Variants in OIT3 observed in about 807,000 individuals in gnomAD.
OIT3 encodes oncoprotein-induced transcript 3 protein.
A neutral mutation model predicts 52.2 loss-of-function variants in OIT3; 41 were observed. The ratio of observed to expected loss-of-function variants is 0.79; its 90% confidence interval spans 0.61 to 1.02. OIT3 has a LOEUF of 1.02. OIT3 is among the 50% of genes least tolerant of loss of function. The pLI, the probability that OIT3 is intolerant of heterozygous loss-of-function variation, is 0.00. For synonymous variants in OIT3, 244 were observed against 276.9 expected, an observed-to-expected ratio of 0.88 and a Z score of 1.18; for missense variants, 634 against 715.5, an observed-to-expected ratio of 0.89 and a Z score of 1.30.
At chr10:72,931,682 A>C (rs1043999657) in intron 8 of OIT3, among the ~76,000 whole-genome samples, 1 of 152,274 alleles carries the variant, frequency 6.6e-6, no homozygotes, top group East Asian at 1.9e-4. Context: ...AACTGTTGTC[A>C]TAACAATTTA....
chr10:72,926,655 G>A (rs1400798775), intron 7 of OIT3, among the ~76,000 whole-genome samples: 1 of 152,124 alleles, frequency 6.6e-6, no homozygotes, highest in Non-Finnish European at 1.5e-5. Flanking sequence ...AATATGGAAA[G>A]TTTGTCATCC....
chr10:72,918,318 T>G, intron 6 of OIT3: 4 of 770,572 alleles, frequency 5.2e-6, no homozygotes, highest in Non-Finnish European at 9.4e-6. Context: ...CAGTGTGACT[T>G]TAATTGGACT....
intron 5 of OIT3, 118 bp downstream of exon 5, chr10:72,911,957 T>A (rs891847903): frequency 1.2e-6 from 1 of 833,186 alleles, no homozygotes; most frequent in Non-Finnish European, 1.8e-6. Context: ...ACAATGGCTC[T>A]TCGAGCAGTG....
At chr10:72,929,047 A>G (rs1806781483) in intron 7 of OIT3, among the ~76,000 whole-genome samples, 1 of 152,024 alleles carries the variant, frequency 6.6e-6, no homozygotes, top group Non-Finnish European at 1.5e-5. Flanking sequence ...CATCTCTACA[A>G]AAAATGAAAA....
chr10:72,924,583 T>C lies in OIT3; in HGVS notation c.1306T>C (p.Cys436Arg). The C allele has an allele frequency of 1.2e-6, 2 of 1,614,092 alleles. No individual in the cohort carries two copies. The highest frequency in any genetic ancestry group is 1.7e-6 in the Non-Finnish European group (2 of 1,179,988). Residue 436 changes from cysteine (C) to arginine (R), a missense_variant, in exon 7 of 9, where the codon TGC (cysteine) becomes CGC (arginine). Physicochemically the swap from Cys to Arg is radical, Grantham distance 180 (BLOSUM62 -3). Transcript: ENST00000334011. ...CGGCTTGGAAAGCTTGGTGGAGAGC[T>C]GCTTTGCCACCCCCACCTCCAAGAT... ...VSGLESLVESCFATPTSKIDE... is the reference protein window; with the variant it reads ...VSGLESLVESRFATPTSKIDE...
chr10:72,932,415 C>A lies in OIT3; in HGVS notation c.1529C>A (p.Ala510Asp). Residue 510 changes from alanine to aspartate, a missense_variant, in exon 9 of 9, where the codon GCC becomes GAC. Ala to Asp is a moderately radical substitution (Grantham distance 126, BLOSUM62 -2). Transcript: ENST00000334011. ...CGVLDERSRC[A>D]QGCHRRMRRG... ...GTGTTGGACGAGCGTTCCCGCTGTG[C>A]CCAGGGTTGCCACCGGCGAATGCGT... 6.2e-7 allele frequency: 1 copy of A among 1,614,128 alleles called. No homozygotes were observed. The highest frequency in any genetic ancestry group is 2.2e-5 in the East Asian group (1 of 44,868).
intron 7 of OIT3, among the ~76,000 whole-genome samples, chr10:72,925,929 G>C (rs1297039895): frequency 1.3e-5 from 2 of 152,224 alleles, no homozygotes; most frequent in Admixed American, 1.3e-4. Context: ...TTATACAAAA[G>C]AGAGTTCCAT....
In OIT3 at chr10:72,932,788, C is replaced by T. The variant is rs902121451; in HGVS notation, c.*264C>T. On this transcript the variant is annotated 3_prime_UTR_variant, in exon 9 of 9. Coordinates refer to ENST00000334011, the MANE Select transcript of OIT3 (RefSeq NM_152635.3). Reference sequence around the variant, plus strand: ...CCCAGAAAGACACTCACCCCATTTCCCTCATTTCTTTCCTACACTTAAATA... The same window carrying T: ...CCCAGAAAGACACTCACCCCATTTCTCTCATTTCTTTCCTACACTTAAATA... 5.4e-6 allele frequency: 2 copies of T among 373,396 alleles called. No homozygotes were observed. The highest frequency in any genetic ancestry group is 9.6e-6 in the Non-Finnish European group (2 of 208,868). 23.1% of individuals were successfully genotyped at this position (373,396 alleles called of 1,614,324 possible). A position where few individuals can be genotyped will look rare whatever the true frequency, so the allele number is the denominator to read the frequency against.
chr10:72,915,245 T>C (rs1447293893), intron 6 of OIT3, among the ~76,000 whole-genome samples: 6 of 152,148 alleles, frequency 3.9e-5, no homozygotes, highest in African/African-American at 1.4e-4. Flanking sequence ...ATAGTTAGAA[T>C]ATAAAGCCAT....
At chr10:72,914,696 T>C (rs1452251468) in intron 6 of OIT3, among the ~76,000 whole-genome samples, 2 of 152,168 alleles carry the variant, frequency 1.3e-5, no homozygotes, top group Non-Finnish European at 2.9e-5. Context: ...CACAAGGTCA[T>C]GCTGCCGCAG....
chr10:72,906,574 C>T, intron 3 of OIT3, 22 bp from the exon 4 acceptor site: 8 of 1,613,624 alleles, frequency 5.0e-6, no homozygotes, highest in Non-Finnish European at 6.8e-6. Context: ...AGTATAGAAA[C>T]AGTGTGGTTT....
At chr10:72,927,114 T>C (rs769184932) in intron 7 of OIT3, among the ~76,000 whole-genome samples, 1 of 152,158 alleles carries the variant, frequency 6.6e-6, no homozygotes, top group Non-Finnish European at 1.5e-5. Flanking sequence ...TTCAGTCTCT[T>C]AGTGAAGGAC....
chr10:72,932,617 G>A lies in OIT3; in HGVS notation c.*93G>A, dbSNP rs1846228211. The A allele has an allele frequency of 8.4e-7, 1 of 1,189,162 alleles. No individual in the cohort carries two copies. Among genetic ancestry groups the A allele is most frequent in the Non-Finnish European group, 1.2e-6 (1 of 854,406 alleles). 73.7% of individuals were successfully genotyped at this position (1,189,162 alleles called of 1,614,324 possible). Reference sequence around the variant, plus strand: ...CTCTAAGAACATCTGCCAACAGCTGGGTTCAGACTTCACACTGTGAGTTCA... The same window carrying A: ...CTCTAAGAACATCTGCCAACAGCTGAGTTCAGACTTCACACTGTGAGTTCA... On this transcript the variant is annotated 3_prime_UTR_variant, in exon 9 of 9. Transcript: ENST00000334011.
chr10:72,930,495 G>A, intron 7 of OIT3, 43 bp from the exon 8 acceptor site: 1 of 1,429,760 alleles, frequency 7.0e-7, no homozygotes, highest in East Asian at 2.3e-5. Flanking sequence ...TTCCACCTCT[G>A]TTGAAACAAT....
At chr10:72,916,056 G>T (rs1846070019) in intron 6 of OIT3, among the ~76,000 whole-genome samples, 1 of 152,164 alleles carries the variant, frequency 6.6e-6, no homozygotes, top group Non-Finnish European at 1.5e-5. Flanking sequence ...TGATGGGTGA[G>T]GAAAGATGTC....
intron 6 of OIT3, among the ~76,000 whole-genome samples, chr10:72,916,635 C>T (rs1401067558): frequency 2.0e-5 from 3 of 152,134 alleles, no homozygotes; most frequent in African/African-American, 7.2e-5. Flanking sequence ...AGTAAACATA[C>T]ACGTGCATTA....
intron 6 of OIT3, among the ~76,000 whole-genome samples, chr10:72,922,982 T>C (rs1007934429): frequency 6.6e-6 from 1 of 152,180 alleles, no homozygotes; most frequent in African/African-American, 2.4e-5. Flanking sequence ...TTCAAGTGAT[T>C]CTCCTGCCTC....
intron 3 of OIT3, among the ~76,000 whole-genome samples, chr10:72,905,223 C>T (rs1449770792): frequency 6.6e-6 from 1 of 152,174 alleles, no homozygotes; most frequent in African/African-American, 2.4e-5. Context: ...GTAATCCCAG[C>T]ACTTTGGGAG....
At chr10:72,901,544 C>T (rs1176875054) in intron 3 of OIT3, among the ~76,000 whole-genome samples, 1 of 152,108 alleles carries the variant, frequency 6.6e-6, no homozygotes, top group African/African-American at 2.4e-5. Context: ...CCAAGAAGAA[C>T]AGTAACAGGT....
Sources: allele counts gnomAD v4.1 joint callset (sites outside exome capture counted in the v4.1 genomes callset), GRCh38; gene constraint gnomAD v4.1.1; transcripts MANE v1.5; gene names NCBI Gene and HGNC (gene_info 2026-07-23, HGNC 2026-07-21).